The following DPH6 variants were observed in gnomAD, a reference collection of about 807,000 sequenced individuals.
The protein encoded by DPH6 is diphthamine biosynthesis 6, also known as diphthine--ammonia ligase.
A neutral mutation model predicts 38.2 loss-of-function variants in DPH6; 33 were observed. The observed-to-expected ratio is 0.86, with a 90% CI of 0.65 to 1.15. DPH6 has a LOEUF of 1.15. Among genes scored for constraint, DPH6 ranks in the 50% most tolerant of loss-of-function variants. The probability of loss-of-function intolerance (pLI) is 0.00; values close to 1 mark genes in which losing one functional copy is unlikely to be tolerated. For missense variants in DPH6, 325 were observed against 320.0 expected, an observed-to-expected ratio of 1.02 and a Z score of -0.12; for synonymous variants, 108 against 103.0, an observed-to-expected ratio of 1.05 and a Z score of -0.30.
At chr15:35,357,196 C>G (rs1005413876) in intron 3 of DPH6, among the ~76,000 whole-genome samples, 3 of 152,248 alleles carry the variant, frequency 2.0e-5, no homozygotes, top group Admixed American at 6.5e-5. Context: ...CTTTCTTTGA[C>G]TAGCAAAGGG....
chr15:35,201,065 A>G, the DPH6 span, among the ~76,000 whole-genome samples: 2,103 of 149,074 alleles, frequency 0.014, 47 homozygotes, highest in African/African-American at 0.049. Flanking sequence ...ATGTATACAC[A>G]CATATTTTAC....
chr15:35,318,931 C>G (rs1416249586), intron 3 of DPH6, among the ~76,000 whole-genome samples: 1 of 152,102 alleles, frequency 6.6e-6, no homozygotes, highest in African/African-American at 2.4e-5. Flanking sequence ...ATCACGAATG[C>G]ATTTTTATTT....
At chr15:35,171,141 G>T in the DPH6 span, among the ~76,000 whole-genome samples, 32 of 152,232 alleles carry the variant, frequency 2.1e-4, no homozygotes, top group Non-Finnish European at 4.4e-5. Flanking sequence ...AGAACTGGAT[G>T]CCACAGCTTC....
intron 3 of DPH6, among the ~76,000 whole-genome samples, chr15:35,346,371 T>C (rs1279142210): frequency 6.6e-6 from 1 of 152,084 alleles, no homozygotes; most frequent in Admixed American, 6.6e-5. Context: ...TACCATATTT[T>C]TTGATATTGC....
intron 3 of DPH6, among the ~76,000 whole-genome samples, chr15:35,252,980 G>A (rs1468823559): frequency 6.6e-6 from 1 of 152,174 alleles, no homozygotes; most frequent in Non-Finnish European, 1.5e-5. Context: ...AGCAGGATGT[G>A]AACAGGGTTA....
At chr15:35,344,806 T>A (rs2052448561) in intron 3 of DPH6, among the ~76,000 whole-genome samples, 1 of 151,840 alleles carries the variant, frequency 6.6e-6, no homozygotes, top group Non-Finnish European at 1.5e-5. Context: ...TGCAAAAATA[T>A]AAGCAAATAC....
chr15:35,162,991 A>G, the DPH6 span, among the ~76,000 whole-genome samples: 92 of 151,898 alleles, frequency 6.1e-4, no homozygotes, highest in Non-Finnish European at 8.8e-5. Flanking sequence ...AGGAATCAGC[A>G]AAGCTTACAA....
chr15:35,316,360 AAT>A (rs2052188642), intron 3 of DPH6, among the ~76,000 whole-genome samples: 1 of 152,194 alleles, frequency 6.6e-6, no homozygotes, highest in East Asian at 1.9e-4. Flanking sequence ...ACATGTGATT[AAT>A]ATGTCAAAAA....
intron 3 of DPH6, among the ~76,000 whole-genome samples, chr15:35,304,451 T>A (rs1462753107): frequency 2.6e-5 from 4 of 152,104 alleles, no homozygotes; most frequent in Non-Finnish European, 5.9e-5. Context: ...TAAACATGAT[T>A]GCAAAGAGAA....
At chr15:35,435,564 G>A (rs73380706) in intron 5 of DPH6, among the ~76,000 whole-genome samples, 4,842 of 152,162 alleles carry the variant, frequency 0.032, 250 homozygotes, top group African/African-American at 0.11. Context: ...ATGTGTGGTG[G>A]CCTGGTATTC....
chr15:35,407,155 C>T (rs1201973105), intron 6 of DPH6, among the ~76,000 whole-genome samples: 1 of 151,940 alleles, frequency 6.6e-6, no homozygotes, highest in African/African-American at 2.4e-5. Flanking sequence ...AGATTACATA[C>T]TATATTAATG....
chr15:35,297,694 T>A (rs987077211), intron 3 of DPH6, among the ~76,000 whole-genome samples: 1 of 152,112 alleles, frequency 6.6e-6, no homozygotes, highest in Non-Finnish European at 1.5e-5. Flanking sequence ...CCATTTTATA[T>A]CTATAGCTCT....
intron 3 of DPH6, among the ~76,000 whole-genome samples, chr15:35,514,361 A>G (rs2141222590): frequency 6.6e-6 from 1 of 152,256 alleles, no homozygotes. Context: ...GAACATCTGA[A>G]AACAAGTCCC....
chr15:35,377,952 C>G (rs2052803776), intron 7 of DPH6, among the ~76,000 whole-genome samples: 1 of 151,584 alleles, frequency 6.6e-6, no homozygotes, highest in African/African-American at 2.4e-5. Flanking sequence ...TGACTGCAGT[C>G]TCGAACTCCT....
intron 3 of DPH6, among the ~76,000 whole-genome samples, chr15:35,474,966 AAAAAG>A (rs779612892): frequency 3.0e-4 from 45 of 152,188 alleles, no homozygotes; most frequent in Non-Finnish European, 2.4e-4. Flanking sequence ...GGATTAAGAA[AAAAAG>A]AAAAAGAAAA....
chr15:35,480,470 C>T (rs186660010), intron 3 of DPH6, among the ~76,000 whole-genome samples: 1 of 152,114 alleles, frequency 6.6e-6, no homozygotes, highest in African/African-American at 2.4e-5. Flanking sequence ...TAAACATCCA[C>T]AATTAAATCT....
chr15:35,357,170 G>A (rs2052568608), intron 3 of DPH6, among the ~76,000 whole-genome samples: 1 of 152,214 alleles, frequency 6.6e-6, no homozygotes. Flanking sequence ...AATTTTCTAG[G>A]TCCCGTCTAT....
At chr15:35,445,676 T>C (rs1406640665) in intron 5 of DPH6, among the ~76,000 whole-genome samples, 1 of 152,164 alleles carries the variant, frequency 6.6e-6, no homozygotes, top group Non-Finnish European at 1.5e-5. Flanking sequence ...TATAAAAGGT[T>C]GAAATTTATC....
At chr15:35,305,239 CT>C (rs1311158204) in intron 3 of DPH6, among the ~76,000 whole-genome samples, 1 of 152,052 alleles carries the variant, frequency 6.6e-6, no homozygotes, top group Non-Finnish European at 1.5e-5. Context: ...CACAGTAACT[CT>C]TTTCTAGGGT....
Sources: gnomAD v4.1 joint callset for allele counts (sites outside exome capture counted in the v4.1 genomes callset) on GRCh38, gnomAD v4.1.1 for gene constraint, MANE v1.5 for transcripts, NCBI Gene and HGNC (gene_info 2026-07-23, HGNC 2026-07-21) for gene names.